The following ASGR2 variants were observed in gnomAD, a reference collection of about 807,000 sequenced individuals.
ASGR2 encodes C-type lectin domain family 4 member H2.
Under a neutral mutation model 32.3 loss-of-function variants are expected in ASGR2, and 34 were observed. The ratio of observed to expected loss-of-function variants is 1.05; its 90% CI spans 0.80 to 1.40. The LOEUF (loss-of-function observed/expected upper bound fraction) is 1.40. ASGR2 is among the 40% of genes most tolerant of loss of function. The pLI is 0.00. For synonymous variants in ASGR2, 143 were observed against 150.0 expected (o/e 0.95, Z 0.34); for missense variants, 385 against 386.4 (o/e 1.00, Z 0.03).
In ASGR2 at chr17:7,107,139, G is replaced by T; in HGVS notation, c.509C>A (p.Thr170Asn). The change falls in exon 7 of 9, where the codon ACC (threonine) becomes AAC (asparagine). Residue 170 changes from threonine to asparagine, a missense_variant. Transcript: ENST00000691900. The surrounding 1 kb of genome is among the most constrained non-coding windows in gnomAD (Gnocchi z 5.0). ...CTCCACCCAGTTGACGGGGCAGCAG[G>T]TCCTTTGGGAGCCTGAGGGGACAGG... ...ELLHSNGSQR[T>N]CCPVNWVEHQ... The T allele has an allele frequency of 6.2e-7, 1 of 1,614,202 alleles. No homozygotes were observed. The highest frequency in any genetic ancestry group is 8.5e-7 in the Non-Finnish European group (1 of 1,180,036).
chr17:7,101,480 C>A lies in ASGR2; in HGVS notation c.*95G>T. On this transcript the variant is annotated 3_prime_UTR_variant, in exon 9 of 9. Coordinates refer to ENST00000691900, the MANE Select transcript of ASGR2 (RefSeq NM_001201352.2). ...TCTTTGCTCAGCTCTTCCCCATACCCCTGTCTCAGTGTTTCTTCCTTTCCT... is the reference window on the plus strand; with the variant it reads ...TCTTTGCTCAGCTCTTCCCCATACCACTGTCTCAGTGTTTCTTCCTTTCCT... The A allele has an allele frequency of 1.3e-6, 2 of 1,508,314 alleles. No homozygotes were observed. Among genetic ancestry groups the A allele is most frequent in the East Asian group, 2.3e-5 (1 of 43,568 alleles). The allele number at this position is 1,508,314 out of a possible 1,614,324, so 93.4% of individuals were successfully genotyped here.
rs1338700081 is a variant in ASGR2 at position 7,108,388 on chromosome 17, C to A, written c.337+74G>T. On this transcript the variant is annotated intron_variant, in intron 4 of 8. Transcript: ENST00000691900. This position sits in a 1 kb window ranked among gnomAD's most constrained non-coding sequence, Gnocchi z 4.9. ...TGCACCCCCACGGCACCCCACACAG[C>A]CCTGTTGCAGACTCGGCACTGAGCC... 3.4e-6 allele frequency: 5 copies of A among 1,462,468 alleles called. No homozygotes were observed. Among genetic ancestry groups the A allele is most frequent in the South Asian group, 1.3e-5 (1 of 76,682 alleles). 90.6% of individuals were successfully genotyped at this position (1,462,468 alleles called of 1,614,324 possible). A position where few individuals can be genotyped will look rare whatever the true frequency, so the allele number is the denominator to read the frequency against.
At chr17:7,105,685 A>C (rs1306972470) in intron 7 of ASGR2, among the ~76,000 whole-genome samples, 1 of 152,150 alleles carries the variant, frequency 6.6e-6, no homozygotes, top group Non-Finnish European at 1.5e-5. Context: ...TATCAAAAAC[A>C]AAACAAAACA....
intron 2 of ASGR2, among the ~76,000 whole-genome samples, chr17:7,111,549 G>A (rs554909943): frequency 5.9e-5 from 9 of 151,850 alleles, no homozygotes; most frequent in Non-Finnish European, 1.0e-4. Context: ...CCAGCTACTC[G>A]GGAGGCTGAG....
chr17:7,105,791 ATTT>A (rs55800489), intron 7 of ASGR2, among the ~76,000 whole-genome samples: 59 of 146,268 alleles, frequency 4.0e-4, no homozygotes, highest in East Asian at 1.0e-3. Context: ...TTAAATTAGC[ATTT>A]TTTTTTTTTT....
intron 2 of ASGR2, among the ~76,000 whole-genome samples, chr17:7,112,089 AGGG>A (rs1914761534): frequency 1.5e-5 from 1 of 64,528 alleles, no homozygotes; most frequent in Non-Finnish European, 3.0e-5. Flanking sequence ...GGGGAGGGGG[AGGG>A]GAAGGGGAAA....
chr17:7,104,986 A>G (rs1913454381), intron 7 of ASGR2, among the ~76,000 whole-genome samples: 2 of 151,136 alleles, frequency 1.3e-5, no homozygotes, highest in African/African-American at 4.9e-5. Context: ...AAAAAAAAAA[A>G]AAATTTTTTT....
Position 7,108,633 on chromosome 17 carries a change from A to C in ASGR2, c.242-76T>G. The C allele has an allele frequency of 6.2e-7, 1 of 1,601,310 alleles. No individual in the cohort carries two copies. Among genetic ancestry groups the C allele is most frequent in the East Asian group, 2.2e-5 (1 of 44,664 alleles). On this transcript the variant is annotated intron_variant, in intron 3 of 8. Coordinates refer to ENST00000691900, the MANE Select transcript of ASGR2 (RefSeq NM_001201352.2). This position sits in a 1 kb window ranked among gnomAD's most constrained non-coding sequence, Gnocchi z 4.9. ...TCACTGTCCATGTGACTGGCCCCTC[A>C]ATGTCCCCGCATTTGCCCCAGCTTG...
rs1392190438 is a variant in ASGR2 at position 7,114,084 on chromosome 17, G to C, written c.124+33C>G. 1.2e-6 allele frequency: 2 copies of C among 1,613,176 alleles called. No homozygotes were observed. Among genetic ancestry groups the C allele is most frequent in the South Asian group, 1.1e-5 (1 of 90,998 alleles). On this transcript the variant is annotated intron_variant, in intron 2 of 8. Coordinates refer to ENST00000691900, the MANE Select transcript of ASGR2 (RefSeq NM_001201352.2). This position sits in a 1 kb window ranked among gnomAD's most constrained non-coding sequence, Gnocchi z 4.5. ...CAGAGCAATCATGAGCTGAGACAGA[G>C]GGGGAGCAAAGCCGCAGAAACTGCA...
intron 7 of ASGR2, among the ~76,000 whole-genome samples, chr17:7,104,698 C>T (rs990432773): frequency 2.5e-4 from 38 of 150,470 alleles, no homozygotes; most frequent in East Asian, 2.0e-4. Context: ...CTTGAGGGGC[C>T]GGGCGTGGTG....
At chr17:7,102,850 C>T (rs1490548115) in intron 7 of ASGR2, among the ~76,000 whole-genome samples, 2 of 152,162 alleles carry the variant, frequency 1.3e-5, no homozygotes, top group Non-Finnish European at 2.9e-5. Context: ...GTCTGACAAT[C>T]GGGGCAAAAT....
chr17:7,107,768 T>TACACATTACACACACCAC lies in ASGR2; in HGVS notation c.409+67_409+68insGTGGTGTGTGTAATGTGT, dbSNP rs374528068. 3.5e-3 allele frequency: 3,291 copies of TACACATTACACACACCAC among 951,264 alleles called. 112 individuals carry two copies. In the East Asian group the frequency reaches 0.074, roughly 21 times the overall value. 58.9% of individuals were successfully genotyped at this position (951,264 alleles called of 1,614,324 possible). A position where few individuals can be genotyped will look rare whatever the true frequency, so the allele number is the denominator to read the frequency against. On this transcript the variant is annotated intron_variant, in intron 5 of 8. Transcript: ENST00000691900. The surrounding 1 kb of genome is among the most constrained non-coding windows in gnomAD (Gnocchi z 5.0). ...GTGCACACTACACACACCGCACACG[T>TACACATTACACACACCAC]ACACACTACACACACCGCACACGTA...
intron 2 of ASGR2, among the ~76,000 whole-genome samples, chr17:7,111,381 G>T (rs1349614291): frequency 6.6e-6 from 1 of 152,162 alleles, no homozygotes; most frequent in African/African-American, 2.4e-5. Context: ...CACTGGCCAG[G>T]CGCCGTGGCT....
At chr17:7,104,196 A>G (rs990692148) in intron 7 of ASGR2, among the ~76,000 whole-genome samples, 3 of 151,970 alleles carry the variant, frequency 2.0e-5, no homozygotes, top group African/African-American at 7.3e-5. Flanking sequence ...TAAAAATACA[A>G]AATTAGCCAG....
rs1391347242 is a variant in ASGR2, at chr17:7,108,301, G to A, written c.337+161C>T. Among the ~76,000 whole-genome samples the A allele has an allele frequency of 4.0e-5, 6 of 151,704 alleles. No homozygotes were observed. Among genetic ancestry groups the A allele is most frequent in the African/African-American group, 7.3e-5 (3 of 41,278 alleles). On this transcript the variant is annotated intron_variant, in intron 4 of 8. Coordinates refer to ENST00000691900, the MANE Select transcript of ASGR2 (RefSeq NM_001201352.2). This position sits in a 1 kb window ranked among gnomAD's most constrained non-coding sequence, Gnocchi z 4.9. ...AACCTCTCCACCTGGCACTAACCTC[G>A]TCCGTCCCCACCTGCCTCCCTCCTA...
At chr17:7,114,972 G>C, upstream of ASGR2, 2 of 985,678 alleles carry the variant, frequency 2.0e-6, no homozygotes, top group South Asian at 9.4e-5. The surrounding 1 kb of genome is among the most constrained non-coding windows in gnomAD (Gnocchi z 4.5). Flanking sequence ...ATTTGGAAGG[G>C]GTGCCAGGCC....
At chr17:7,110,349 G>T (rs975051822) in intron 2 of ASGR2, among the ~76,000 whole-genome samples, 1 of 148,126 alleles carries the variant, frequency 6.8e-6, no homozygotes, top group African/African-American at 2.5e-5. Flanking sequence ...ATCCAGAAGC[G>T]CTCCATGACC....
chr17:7,113,516 CACACACAACAT>C lies in ASGR2; in HGVS notation c.124+590_124+600del, dbSNP rs1915024826. On this transcript the variant is annotated intron_variant, in intron 2 of 8. Coordinates refer to ENST00000691900, the MANE Select transcript of ASGR2 (RefSeq NM_001201352.2). The surrounding 1 kb of genome is among the most constrained non-coding windows in gnomAD (Gnocchi z 5.1). ...ACACACACAACATACACAACGTACA[CACACACAACAT>C]ACACACACTCATACACAACATACAT... Among the ~76,000 whole-genome samples, 4 of 135,210 alleles carry C rather than the reference CACACACAACAT, an allele frequency of 3.0e-5. No homozygotes were observed. Among genetic ancestry groups the C allele is most frequent in the Non-Finnish European group, 6.7e-5 (4 of 59,572 alleles). 88.7% of individuals were successfully genotyped at this position (135,210 alleles called of 152,430 possible).
rs550694651 is a variant in ASGR2 at position 7,110,086 on chromosome 17, C to G, written c.125-1198G>C. ...CATCCTGGGGAGGCTCAGTCAGGGG[C>G]CCAGAATCTTCCTCCCCAGGTCACT... On this transcript the variant is annotated intron_variant, in intron 2 of 8. Transcript: ENST00000691900. Among the ~76,000 whole-genome samples, 16 of 152,228 alleles carry G rather than the reference C, an allele frequency of 1.1e-4. No individual in the cohort carries two copies. The South Asian group carries it at 3.3e-3, about 32-fold the overall frequency.
Sources: gnomAD v4.1 joint callset for allele counts (sites outside exome capture counted in the v4.1 genomes callset) on GRCh38, gnomAD v4.1.1 for gene constraint, Gnocchi (gnomAD v3.1) non-coding constraint, MANE v1.5 for transcripts, NCBI Gene and HGNC (gene_info 2026-07-23, HGNC 2026-07-21) for gene names.